The following ARID5A variants were observed in gnomAD, a reference collection of about 807,000 sequenced individuals.
The protein encoded by ARID5A is AT-rich interaction domain 5A, also known as AT-rich interactive domain-containing protein 5A.
In ARID5A, 14 loss-of-function variants were observed where a neutral mutation model predicts 30.5. The observed-to-expected ratio is 0.46, with a 90% confidence interval of 0.30 to 0.72. The LOEUF is 0.72. Among genes scored for constraint, ARID5A ranks in the 30% least tolerant of loss-of-function variants. The pLI, the probability that ARID5A is intolerant of heterozygous loss-of-function variation, is 0.07. For synonymous variants in ARID5A, 338 were observed against 340.4 expected (o/e 0.99, Z 0.08); for missense variants, 669 against 786.2 (o/e 0.85, Z 1.78).
At chr2:96,547,592 A>T (rs2065951519) in intron 2 of ARID5A, 75 bp downstream of exon 2, 1 of 1,365,496 alleles carries the variant, frequency 7.3e-7, no homozygotes, top group Admixed American at 1.8e-5. Context: ...CTCCAGGTGA[A>T]CCTGGACACT....
In ARID5A at chr2:96,550,194, G is replaced by C. The variant is rs1346612492; in HGVS notation, c.319G>C (p.Gly107Arg). 4 of 1,534,654 alleles carry C rather than the reference G, an allele frequency of 2.6e-6. No homozygotes were observed. The highest frequency in any genetic ancestry group is 3.5e-6 in the Non-Finnish European group (4 of 1,142,126). The stretch of plus-strand genomic sequence containing the variant: ...TCACGAGGTGCCCTTGCAGGTGACC[G>C]GGCGCCGCCTCTGGAAGAACGTGTA... ...EKLGAYELVT[G>R]RRLWKNVYDE... Residue 107 changes from glycine to arginine, a missense_variant, in exon 5 of 7, where the codon GGG (glycine) becomes CGG (arginine). Physicochemically the swap from Gly to Arg is moderately radical, Grantham distance 125. Transcript: ENST00000357485. The surrounding 1 kb of genome is among the most constrained non-coding windows in gnomAD (Gnocchi z 6.6).
rs375464790 is a variant in ARID5A at position 96,552,154 on chromosome 2, A to T, written c.1626A>T (p.Ala542=). ...PAFPAHFLAT[A]GPSPMAAGLM... is the part of the protein sequence containing the mutation. ...TCCCGGCCCACTTCCTGGCCACCGCAGGCCCCTCGCCCATGGCCGCTGGCC... is the reference window on the plus strand; with the variant it reads ...TCCCGGCCCACTTCCTGGCCACCGCTGGCCCCTCGCCCATGGCCGCTGGCC... The change falls in exon 7 of 7, where the codon GCA becomes GCT. Residue 542 remains alanine (A), a synonymous_variant. Transcript: ENST00000357485. The T allele has an allele frequency of 1.4e-5, 22 of 1,613,018 alleles. No individual in the cohort carries two copies. The African/African-American group carries it at 2.9e-4, about 21-fold the overall frequency.
chr2:96,538,047 C>T (rs1253364368), intron 1 of ARID5A: 1 of 985,366 alleles, frequency 1.0e-6, no homozygotes, highest in Non-Finnish European at 1.2e-6. Flanking sequence ...AGGGCTTCAC[C>T]CCGCAGCAGA....
chr2:96,550,504 A>T lies in ARID5A; in HGVS notation c.411-70A>T, dbSNP rs1253509698. 2.0e-6 allele frequency: 3 copies of T among 1,505,194 alleles called. No homozygotes were observed. In the African/African-American group the frequency reaches 4.2e-5, roughly 21 times the overall value. The allele number at this position is 1,505,194 out of a possible 1,614,324, so 93.2% of individuals were successfully genotyped here. ...GGCGCCGGCGGGGAAGGGGGCTCAG[A>T]GGAGGCTACAGAGGCCCAGGGAGGG... On this transcript the variant is annotated intron_variant, in intron 5 of 6. Transcript: ENST00000357485. This position sits in a 1 kb window ranked among gnomAD's most constrained non-coding sequence, Gnocchi z 6.6.
intron 1 of ARID5A, chr2:96,538,146 C>A (rs866149332): frequency 1.0e-6 from 1 of 985,376 alleles, no homozygotes; most frequent in African/African-American, 1.7e-5. Flanking sequence ...TAATCTGCTT[C>A]TACAGTTGAG....
chr2:96,550,429 C>T lies in ARID5A; in HGVS notation c.410+144C>T, dbSNP rs143379982. 4 of 1,417,712 alleles carry T rather than the reference C, an allele frequency of 2.8e-6. No individual in the cohort carries two copies. Among genetic ancestry groups the T allele is most frequent in the Middle Eastern group, 2.6e-4 (1 of 3,856 alleles). The allele number at this position is 1,417,712 out of a possible 1,614,324, so 87.8% of individuals were successfully genotyped here. On this transcript the variant is annotated intron_variant, in intron 5 of 6. Transcript: ENST00000357485. The surrounding 1 kb of genome is among the most constrained non-coding windows in gnomAD (Gnocchi z 6.6). The stretch of plus-strand genomic sequence containing the variant: ...GCTGCGGGAGCCCAGGCTGGCTGGG[C>T]GCACTCACTGAGGGAGCTGAAGCTT...
In ARID5A at chr2:96,551,359, G is replaced by A; in HGVS notation, c.831G>A (p.Glu277=). ...VSKVEALQCQ[E]EGCRHGAEPQ... ...AGGTGGAGGCCTTGCAGTGCCAGGAGGAGGGCTGCCGCCATGGGGCAGAGC... is the reference window on the plus strand; with the variant it reads ...AGGTGGAGGCCTTGCAGTGCCAGGAAGAGGGCTGCCGCCATGGGGCAGAGC... Residue 277 remains glutamate, a synonymous_variant, in exon 7 of 7, where the codon GAG becomes GAA. Transcript: ENST00000357485. The A allele has an allele frequency of 1.9e-6, 3 of 1,612,830 alleles. No homozygotes were observed. Among genetic ancestry groups the A allele is most frequent in the South Asian group, 1.1e-5 (1 of 91,080 alleles).
rs946003199 is a variant in ARID5A at position 96,545,448 on chromosome 2, G to A, written c.5-1954G>A. Among the ~76,000 whole-genome samples the A allele has an allele frequency of 4.6e-5, 7 of 151,942 alleles. No individual in the cohort carries two copies. In the East Asian group the frequency reaches 9.7e-4, roughly 21 times the overall value. On this transcript the variant is annotated intron_variant, in intron 1 of 6. Transcript: ENST00000357485. ...TGGGATTACAGGCGTGAGCCACCGCGCCCATCCTAAAGTGGCTTCTTGAGG... is the reference window on the plus strand; with the variant it reads ...TGGGATTACAGGCGTGAGCCACCGCACCCATCCTAAAGTGGCTTCTTGAGG...
At position 96,550,477 on chromosome 2, in the gene ARID5A, TCGGCGC is replaced by T. The variant is rs1214917128; in HGVS notation, c.411-91_411-86del. The T allele has an allele frequency of 6.8e-7, 1 of 1,467,412 alleles. No homozygotes were observed. The allele number at this position is 1,467,412 out of a possible 1,614,324, so 90.9% of individuals were successfully genotyped here. ...CTTTGGGACCAGGAGAGGGCCTTCC[TCGGCGC>T]CGGCGGGGAAGGGGGCTCAGAGGAG... On this transcript the variant is annotated intron_variant, in intron 5 of 6. Coordinates refer to ENST00000357485, the MANE Select transcript of ARID5A (RefSeq NM_212481.3). This position sits in a 1 kb window ranked among gnomAD's most constrained non-coding sequence, Gnocchi z 6.6.
Position 96,552,422 on chromosome 2 carries a change from C to A in ARID5A, c.*109C>A. ...TGCCTGCTACCCAGGACACCCGGGC[C>A]ATGCCCCTGGCTGGGCAGCCTGGCA... On this transcript the variant is annotated 3_prime_UTR_variant, in exon 7 of 7. Transcript: ENST00000357485. The A allele has an allele frequency of 6.4e-7, 1 of 1,564,974 alleles. No individual in the cohort carries two copies. The highest frequency in any genetic ancestry group is 8.6e-7 in the Non-Finnish European group (1 of 1,156,878).
Position 96,550,684 on chromosome 2 carries a change from G to A in ARID5A, c.521G>A (p.Gly174Glu), listed in dbSNP as rs2066020651. 2.5e-6 allele frequency: 4 copies of A among 1,597,782 alleles called. No individual in the cohort carries two copies. The highest frequency in any genetic ancestry group is 3.4e-6 in the Non-Finnish European group (4 of 1,173,246). ...KMAKENRGDD[G>E]ATERPKKAKE... Reference sequence around the variant, plus strand: ...GCTAAGGAGAACAGGGGGGATGATGGGGCCACCGAGAGGCCGAAGAAGGCC... The same window carrying A: ...GCTAAGGAGAACAGGGGGGATGATGAGGCCACCGAGAGGCCGAAGAAGGCC... The change falls in exon 6 of 7, where the codon GGG becomes GAG. Residue 174 changes from glycine (G) to glutamate (E), a missense_variant. Coordinates refer to ENST00000357485, the MANE Select transcript of ARID5A (RefSeq NM_212481.3). The surrounding 1 kb of genome is among the most constrained non-coding windows in gnomAD (Gnocchi z 6.6).
chr2:96,547,565 C>A, intron 2 of ARID5A, 48 bp downstream of exon 2: 1 of 1,561,104 alleles, frequency 6.4e-7, no homozygotes, highest in Non-Finnish European at 8.8e-7. Context: ...TCCCTGCCAC[C>A]CTCACCTGTG....
chr2:96,536,766 G>A lies in ARID5A; in HGVS notation c.-61G>A, dbSNP rs1440907222. The A allele has an allele frequency of 1.6e-6, 2 of 1,216,010 alleles. No individual in the cohort carries two copies. Among genetic ancestry groups the A allele is most frequent in the African/African-American group, 1.6e-5 (1 of 63,596 alleles). 75.3% of individuals were successfully genotyped at this position (1,216,010 alleles called of 1,614,324 possible). A position where few individuals can be genotyped will look rare whatever the true frequency, so the allele number is the denominator to read the frequency against. ...CGCGAGCCAGTATCTCAGAGAGCGC[G>A]GGGTCCGGACAGCCGCGCGCTGAGG... On this transcript the variant is annotated 5_prime_UTR_variant, in exon 1 of 7. Transcript: ENST00000357485.
chr2:96,546,085 C>T (rs562932531), intron 1 of ARID5A, among the ~76,000 whole-genome samples: 2 of 152,310 alleles, frequency 1.3e-5, no homozygotes, highest in East Asian at 1.9e-4. Flanking sequence ...GGAGGGAAGA[C>T]ATAAGAACAC....
intron 1 of ARID5A, among the ~76,000 whole-genome samples, chr2:96,542,230 C>T (rs1347794590): frequency 3.3e-5 from 5 of 152,190 alleles, no homozygotes; most frequent in Admixed American, 6.5e-5. Flanking sequence ...TCCCTTCTTG[C>T]TCATCTAATG....
rs775611241 is a variant in ARID5A, at chr2:96,552,020, G to A, written c.1492G>A (p.Glu498Lys). Reference sequence around the variant, plus strand: ...CCCAGCCCTGGGGCCTGTGCCCCCAGAGGCCTACAGGGGCACCATGCTGCA... The same window carrying A: ...CCCAGCCCTGGGGCCTGTGCCCCCAAAGGCCTACAGGGGCACCATGCTGCA... The part of the protein sequence containing the change: ...LGPALGPVPP[E>K]AYRGTMLHCP... Residue 498 changes from glutamate to lysine, a missense_variant, in exon 7 of 7, where the codon GAG becomes AAG. By Grantham distance (56) the Glu-to-Lys change is moderately conservative. Around this residue, in one of 4 missense-constraint regions of ARID5A, gnomAD observed 548 missense variants for 577.4 expected, o/e 0.95. Transcript: ENST00000357485. 2.0e-6 allele frequency: 3 copies of A among 1,528,610 alleles called. No homozygotes were observed. The highest frequency in any genetic ancestry group is 2.6e-6 in the Non-Finnish European group (3 of 1,138,892). The allele number at this position is 1,528,610 out of a possible 1,614,324, so 94.7% of individuals were successfully genotyped here. A position where few individuals can be genotyped will look rare whatever the true frequency, so the allele number is the denominator to read the frequency against.
At chr2:96,546,198 A>G (rs527841330) in intron 1 of ARID5A, among the ~76,000 whole-genome samples, 1 of 152,286 alleles carries the variant, frequency 6.6e-6, no homozygotes, top group South Asian at 2.1e-4. Flanking sequence ...TCCTGAGGAG[A>G]TTCTTTTTCT....
rs905424466 is a variant in ARID5A at position 96,551,664 on chromosome 2, G to A, written c.1136G>A (p.Gly379Glu). ...GVLLGPPGKE[G>E]LSVKEPQLVW... The stretch of plus-strand genomic sequence containing the variant: ...CTATTGGGGCCTCCTGGCAAAGAGG[G>A]GCTGTCAGTGAAAGAGCCCCAGCTG... The change falls in exon 7 of 7, where the codon GGG (glycine) becomes GAG (glutamate). Residue 379 changes from glycine (G) to glutamate (E), a missense_variant. This residue lies in a region of ARID5A where 548 missense variants were observed against 577.4 expected (regional missense o/e 0.95). Coordinates refer to ENST00000357485, the MANE Select transcript of ARID5A (RefSeq NM_212481.3). 5 of 1,523,662 alleles carry A rather than the reference G, an allele frequency of 3.3e-6. No individual in the cohort carries two copies. The highest frequency in any genetic ancestry group is 4.4e-6 in the Non-Finnish European group (5 of 1,138,890). The allele number at this position is 1,523,662 out of a possible 1,614,324, so 94.4% of individuals were successfully genotyped here. A position where few individuals can be genotyped will look rare whatever the true frequency, so the allele number is the denominator to read the frequency against.
At position 96,552,010 on chromosome 2, in the gene ARID5A, T is replaced by C; in HGVS notation, c.1482T>C (p.Pro494=). Residue 494 remains proline, a synonymous_variant, in exon 7 of 7, where the codon CCT becomes CCC. Coordinates refer to ENST00000357485, the MANE Select transcript of ARID5A (RefSeq NM_212481.3). ...GCCTTCTGGGCCCAGCCCTGGGGCCTGTGCCCCCAGAGGCCTACAGGGGCA... is the reference window on the plus strand; with the variant it reads ...GCCTTCTGGGCCCAGCCCTGGGGCCCGTGCCCCCAGAGGCCTACAGGGGCA... ...VSCLLGPALG[P]VPPEAYRGTM... 6.6e-6 allele frequency: 10 copies of C among 1,523,452 alleles called. No homozygotes were observed. The highest frequency in any genetic ancestry group is 8.8e-6 in the Non-Finnish European group (10 of 1,136,590). The allele number at this position is 1,523,452 out of a possible 1,614,324, so 94.4% of individuals were successfully genotyped here. A position where few individuals can be genotyped will look rare whatever the true frequency, so the allele number is the denominator to read the frequency against.
Sources: allele counts gnomAD v4.1 joint callset (sites outside exome capture counted in the v4.1 genomes callset), GRCh38; gene constraint gnomAD v4.1.1; regional missense constraint gnomAD v4.1.1; non-coding constraint Gnocchi (gnomAD v3.1); transcripts MANE v1.5; gene names NCBI Gene and HGNC (gene_info 2026-07-23, HGNC 2026-07-21).